Variants in CEP112 observed in about 807,000 individuals in gnomAD.
The protein encoded by CEP112 is centrosomal protein of 112 kDa.
Under a neutral mutation model 153.0 loss-of-function variants are expected in CEP112, and 127 were observed. The ratio of observed to expected loss-of-function variants is 0.83; its 90% CI spans 0.72 to 0.96. CEP112 has a LOEUF of 0.96. CEP112 is among the 40% of genes least tolerant of loss of function. CEP112 has a pLI of 0.00. For missense variants in CEP112, 1,089 were observed against 1,101.2 expected (o/e 0.99, Z 0.16); for synonymous variants, 358 against 374.4 (o/e 0.96, Z 0.51).
At chr17:66,148,059 C>CAT (rs961714514) in intron 4 of CEP112, among the ~76,000 whole-genome samples, 2 of 152,114 alleles carry the variant, frequency 1.3e-5, no homozygotes, top group African/African-American at 4.8e-5. Context: ...AAGACATACC[C>CAT]AGATTGGGGA....
At chr17:65,851,200 G>C in intron 21 of CEP112, among the ~76,000 whole-genome samples, 1 of 152,138 alleles carries the variant, frequency 6.6e-6, no homozygotes, top group East Asian at 1.9e-4. Context: ...TTTAGTACCT[G>C]ACTAAAATAG....
chr17:65,720,627 G>A (rs1309249134), intron 23 of CEP112, among the ~76,000 whole-genome samples: 2 of 152,130 alleles, frequency 1.3e-5, no homozygotes, highest in African/African-American at 4.8e-5. Flanking sequence ...TAAGAAATGA[G>A]CAGGGATGGA....
At chr17:66,098,936 G>A (rs1421111484) in intron 6 of CEP112, among the ~76,000 whole-genome samples, 2 of 152,158 alleles carry the variant, frequency 1.3e-5, no homozygotes, top group African/African-American at 4.8e-5. Context: ...TAGTAGTGGT[G>A]GAACTAAATA....
chr17:66,153,539 ATTC>A (rs1248331082), intron 4 of CEP112, among the ~76,000 whole-genome samples: 1 of 151,968 alleles, frequency 6.6e-6, no homozygotes, highest in Non-Finnish European at 1.5e-5. Context: ...AAAGATATCA[ATTC>A]TTCTTAATTT....
At chr17:65,766,598 C>CA (rs1311448861) in intron 21 of CEP112, among the ~76,000 whole-genome samples, 1 of 140,372 alleles carries the variant, frequency 7.1e-6, no homozygotes, top group Non-Finnish European at 1.5e-5. Context: ...GTTCAATGAA[C>CA]AAAAAATCAA....
intron 20 of CEP112, among the ~76,000 whole-genome samples, chr17:65,895,527 G>A (rs1362169061): frequency 6.6e-6 from 1 of 152,120 alleles, no homozygotes; most frequent in Non-Finnish European, 1.5e-5. Flanking sequence ...GCTATGAGAA[G>A]CTCAGCAGGG....
intron 23 of CEP112, among the ~76,000 whole-genome samples, chr17:65,739,889 T>C (rs920836343): frequency 2.0e-5 from 3 of 152,210 alleles, no homozygotes; most frequent in Non-Finnish European, 4.4e-5. Context: ...ACTATTCCCA[T>C]AATGTTCAAT....
At chr17:66,104,783 G>A (rs1336920982) in intron 6 of CEP112, among the ~76,000 whole-genome samples, 2 of 152,206 alleles carry the variant, frequency 1.3e-5, no homozygotes, top group African/African-American at 4.8e-5. Flanking sequence ...TATTTAAAGT[G>A]CTGAGGAAGA....
intron 4 of CEP112, among the ~76,000 whole-genome samples, chr17:66,140,540 TTAAAC>T (rs1401128320): frequency 6.7e-6 from 1 of 149,114 alleles, no homozygotes; most frequent in Non-Finnish European, 1.5e-5. Context: ...AAATAACTAT[TTAAAC>T]TAATAAATGA....
chr17:65,943,239 T>C (rs1240048371), intron 18 of CEP112, among the ~76,000 whole-genome samples: 1 of 152,194 alleles, frequency 6.6e-6, no homozygotes, highest in East Asian at 1.9e-4. Flanking sequence ...ACTGATGATA[T>C]CTGTAGTGCA....
At chr17:65,912,064 G>T (rs914028149) in intron 19 of CEP112, among the ~76,000 whole-genome samples, 2 of 152,202 alleles carry the variant, frequency 1.3e-5, no homozygotes, top group Non-Finnish European at 2.9e-5. Flanking sequence ...AACCAACTCA[G>T]ATCGGGAAAC....
At chr17:66,130,079 G>T (rs981524979) in intron 5 of CEP112, among the ~76,000 whole-genome samples, 1 of 152,154 alleles carries the variant, frequency 6.6e-6, no homozygotes, top group Non-Finnish European at 1.5e-5. Context: ...TCAGCGCAAT[G>T]AGAGTTTTGT....
rs1412748141 is a variant in CEP112 at position 65,845,488 on chromosome 17, G to A, written c.2394+6316C>T. Among the ~76,000 whole-genome samples the A allele has an allele frequency of 5.9e-5, 9 of 152,280 alleles. No homozygotes were observed. The East Asian group carries it at 1.2e-3, about 20-fold the overall frequency. On this transcript the variant is annotated intron_variant, in intron 21 of 26. Transcript: ENST00000535342. ...AGTTTGATCTTGGGCAGCTAAGTTAGTATGGCTATTTTACATATACATTAA... is the reference window on the plus strand; with the variant it reads ...AGTTTGATCTTGGGCAGCTAAGTTAATATGGCTATTTTACATATACATTAA...
chr17:66,152,438 T>G (rs1355445919), intron 4 of CEP112, among the ~76,000 whole-genome samples: 4 of 152,092 alleles, frequency 2.6e-5, no homozygotes, highest in Non-Finnish European at 5.9e-5. Flanking sequence ...AAGAGTAGAG[T>G]AAAATTGAGT....
chr17:65,863,610 T>A (rs1041845078), intron 20 of CEP112, among the ~76,000 whole-genome samples: 1 of 137,064 alleles, frequency 7.3e-6, no homozygotes, highest in Non-Finnish European at 1.6e-5. Flanking sequence ...AAAAAAAAAA[T>A]TAGCCGGGTG....
At chr17:65,760,281 T>G (rs1169958178) in intron 21 of CEP112, among the ~76,000 whole-genome samples, 2 of 152,140 alleles carry the variant, frequency 1.3e-5, no homozygotes, top group African/African-American at 2.4e-5. Flanking sequence ...TTAACTAAGA[T>G]TTCTTTGATG....
intron 17 of CEP112, among the ~76,000 whole-genome samples, chr17:65,999,249 C>G (rs1337458283): frequency 2.7e-5 from 4 of 147,360 alleles, no homozygotes; most frequent in African/African-American, 1.0e-4. Context: ...CCAGCCTGGG[C>G]TGGAGTGCAG....
intron 17 of CEP112, among the ~76,000 whole-genome samples, chr17:65,969,849 G>T (rs1393552933): frequency 6.6e-6 from 1 of 151,910 alleles, no homozygotes; most frequent in Non-Finnish European, 1.5e-5. Context: ...TCTATATATA[G>T]CATGCATGCA....
chr17:66,006,064 T>G (rs1461376945), intron 16 of CEP112, among the ~76,000 whole-genome samples: 1 of 152,178 alleles, frequency 6.6e-6, no homozygotes, highest in Admixed American at 6.5e-5. Flanking sequence ...AATTATATTT[T>G]AATCAAAGAA....
Sources: allele counts gnomAD v4.1 joint callset (sites outside exome capture counted in the v4.1 genomes callset), GRCh38; gene constraint gnomAD v4.1.1; transcripts MANE v1.5; gene names NCBI Gene and HGNC (gene_info 2026-07-23, HGNC 2026-07-21).